Variants in SDK1 observed in about 807,000 individuals in gnomAD.
SDK1 encodes sidekick cell adhesion molecule 1.
A neutral mutation model predicts 245.5 loss-of-function variants in SDK1; 157 were observed. The ratio of observed to expected loss-of-function variants is 0.64; its 90% CI spans 0.56 to 0.73. The LOEUF is 0.73. SDK1 is among the 30% of genes least tolerant of loss of function. The probability of loss-of-function intolerance (pLI) is 0.00; values close to 1 mark genes in which losing one functional copy is unlikely to be tolerated. For synonymous variants in SDK1, 1,647 were observed against 1,278.5 expected, an observed-to-expected ratio of 1.29 and a Z score of -6.15; for missense variants, 3,583 against 3,002.3, an observed-to-expected ratio of 1.19 and a Z score of -4.52.
chr7:3,804,406 G>A lies in SDK1; in HGVS notation c.714-17044G>A, dbSNP rs188613964. ...AAAAATCTTTTGGCCCTACTGTTAC[G>A]GGTCTCTTTCTGAGTTCTTTATTTT... On this transcript the variant is annotated intron_variant, in intron 4 of 44. Coordinates refer to ENST00000404826, the MANE Select transcript of SDK1 (RefSeq NM_152744.4). 6.6e-5 allele frequency among the ~76,000 whole-genome samples: 10 copies of A among 152,092 alleles called. No homozygotes were observed. In the East Asian group the frequency reaches 9.7e-4, roughly 15 times the overall value.
At chr7:3,726,606 A>C (rs1779015308) in intron 4 of SDK1, among the ~76,000 whole-genome samples, 1 of 152,206 alleles carries the variant, frequency 6.6e-6, no homozygotes, top group African/African-American at 2.4e-5. Flanking sequence ...AATCATCTCC[A>C]AGGTTATAAG....
intron 22 of SDK1, among the ~76,000 whole-genome samples, chr7:4,088,195 T>C (rs371469578): frequency 6.6e-6 from 1 of 152,240 alleles, no homozygotes; most frequent in South Asian, 2.1e-4. Flanking sequence ...CCAGAAACTT[T>C]GGGAATTCTC....
chr7:3,482,279 G>A (rs1562513606), intron 1 of SDK1, among the ~76,000 whole-genome samples: 1 of 152,142 alleles, frequency 6.6e-6, no homozygotes, highest in African/African-American at 2.4e-5. Context: ...AAGAGAAGAC[G>A]GAATTGGCAG....
intron 17 of SDK1, among the ~76,000 whole-genome samples, chr7:4,045,852 C>CTAT (rs1232642353): frequency 6.6e-6 from 1 of 152,084 alleles, no homozygotes; most frequent in Non-Finnish European, 1.5e-5. Context: ...TCCTGTCGTT[C>CTAT]TATTGGCTTT....
chr7:3,866,886 G>C (rs1780835177), intron 5 of SDK1, among the ~76,000 whole-genome samples: 1 of 152,174 alleles, frequency 6.6e-6, no homozygotes, highest in Non-Finnish European at 1.5e-5. Context: ...AGCCATGGGA[G>C]CTGGACTGCC....
At chr7:3,483,279 C>G (rs1181665540) in intron 1 of SDK1, among the ~76,000 whole-genome samples, 1 of 152,082 alleles carries the variant, frequency 6.6e-6, no homozygotes, top group Non-Finnish European at 1.5e-5. Flanking sequence ...GTCCTTTAGT[C>G]AAGTTTTATA....
chr7:3,403,889 T>TTA (rs1241000764), intron 1 of SDK1, among the ~76,000 whole-genome samples: 4 of 130,368 alleles, frequency 3.1e-5, no homozygotes, highest in South Asian at 4.7e-4. Context: ...TTTATTTATA[T>TTA]TATATATATA....
intron 19 of SDK1, among the ~76,000 whole-genome samples, chr7:4,062,140 A>G (rs1265343930): frequency 2.0e-5 from 3 of 152,262 alleles, no homozygotes; most frequent in African/African-American, 7.2e-5. Context: ...AATAATAATA[A>G]TAATAAAAAC....
At chr7:3,786,479 T>G (rs957714613) in intron 4 of SDK1, among the ~76,000 whole-genome samples, 4 of 152,202 alleles carry the variant, frequency 2.6e-5, no homozygotes, top group African/African-American at 9.6e-5. Context: ...CGGTCATACA[T>G]TGTGAAACAA....
At chr7:3,780,994 T>C (rs1012935918) in intron 4 of SDK1, among the ~76,000 whole-genome samples, 6 of 152,004 alleles carry the variant, frequency 3.9e-5, no homozygotes, top group Admixed American at 1.3e-4. Context: ...CCCACCTTCA[T>C]GGATTTCAGA....
At chr7:3,470,934 A>G (rs1449311909) in intron 1 of SDK1, among the ~76,000 whole-genome samples, 1 of 152,134 alleles carries the variant, frequency 6.6e-6, no homozygotes, top group East Asian at 1.9e-4. Flanking sequence ...TTGCCTATAA[A>G]ATATTTCTTT....
rs181524857 is a variant in SDK1, at chr7:3,381,104, A to G, written c.298+79220A>G. On this transcript the variant is annotated intron_variant, in intron 1 of 44. Transcript: ENST00000404826. Reference sequence around the variant, plus strand: ...AATTGAAGTCAAGAGTGTGATTAACATTACTCAGGGGGAGTATACAGAGTA... The same window carrying G: ...AATTGAAGTCAAGAGTGTGATTAACGTTACTCAGGGGGAGTATACAGAGTA... 3.9e-3 allele frequency among the ~76,000 whole-genome samples: 594 copies of G among 152,310 alleles called. 1 individual carries two copies. Among genetic ancestry groups the G allele is most frequent in the Non-Finnish European group, 4.5e-3 (306 of 68,028 alleles).
chr7:4,097,395 C>T (rs1007441147), intron 22 of SDK1, among the ~76,000 whole-genome samples: 4 of 152,238 alleles, frequency 2.6e-5, no homozygotes, highest in Non-Finnish European at 2.9e-5. Flanking sequence ...CTGAGCAGTG[C>T]CGCATCTCCC....
At chr7:3,358,560 C>T (rs944570701) in intron 1 of SDK1, among the ~76,000 whole-genome samples, 3 of 151,936 alleles carry the variant, frequency 2.0e-5, no homozygotes, top group Non-Finnish European at 4.4e-5. Flanking sequence ...ACGCTTACAG[C>T]ATAAGTTAAG....
At chr7:3,601,552 G>T (rs1372895436) in intron 1 of SDK1, among the ~76,000 whole-genome samples, 1 of 151,814 alleles carries the variant, frequency 6.6e-6, no homozygotes, top group African/African-American at 2.4e-5. Context: ...AATATCTGCA[G>T]TGATACCATT....
intron 4 of SDK1, among the ~76,000 whole-genome samples, chr7:3,675,872 T>C (rs762857919): frequency 7.9e-5 from 12 of 152,196 alleles, no homozygotes; most frequent in Non-Finnish European, 1.3e-4. Flanking sequence ...TACTTTTTAA[T>C]TGGGTTGTTT....
intron 1 of SDK1, among the ~76,000 whole-genome samples, chr7:3,507,706 G>C (rs1429150314): frequency 6.6e-6 from 1 of 152,168 alleles, no homozygotes. Flanking sequence ...GTATGCAGTA[G>C]ATTATCTCTC....
chr7:3,378,863 G>A (rs1781415814), intron 1 of SDK1, among the ~76,000 whole-genome samples: 2 of 151,990 alleles, frequency 1.3e-5, no homozygotes, highest in South Asian at 2.1e-4. Flanking sequence ...TCACTTTGTC[G>A]GCTCTGCTGT....
chr7:4,184,172 G>A (rs1002902872), intron 35 of SDK1, among the ~76,000 whole-genome samples: 6 of 152,146 alleles, frequency 3.9e-5, no homozygotes, highest in African/African-American at 1.4e-4. Flanking sequence ...AATTAAATTG[G>A]GCCAGCTTCC....
Sources: gnomAD v4.1 joint callset for allele counts (sites outside exome capture counted in the v4.1 genomes callset) on GRCh38, gnomAD v4.1.1 for gene constraint, MANE v1.5 for transcripts, NCBI Gene and HGNC (gene_info 2026-07-23, HGNC 2026-07-21) for gene names.